Variants in EPB41L2 observed in about 807,000 individuals in gnomAD.
EPB41L2 encodes erythrocyte membrane protein band 4.1 like 2, also known as band 4.1-like protein 2.
A neutral mutation model predicts 113.0 loss-of-function variants in EPB41L2; 43 were observed. The ratio of observed to expected loss-of-function variants is 0.38; its 90% CI spans 0.30 to 0.49. EPB41L2 has a LOEUF of 0.49. Ranked by LOEUF, EPB41L2 falls within the 20% of genes least tolerant of loss-of-function variation. The pLI, the probability that EPB41L2 is intolerant of heterozygous loss-of-function variation, is 0.95. For synonymous variants in EPB41L2, 442 were observed against 436.7 expected (o/e 1.01, Z -0.15); for missense variants, 1,147 against 1,223.4 (o/e 0.94, Z 0.93).
chr6:130,881,703 C>T (rs1789360555), intron 12 of EPB41L2: 1 of 151,896 alleles, frequency 6.6e-6, no homozygotes, highest in South Asian at 2.1e-4. Context: ...GGTAAAAATC[C>T]TCAAACCAAA....
At chr6:131,043,575 G>T (rs2128186575) in intron 1 of EPB41L2, among the ~76,000 whole-genome samples, 1 of 152,080 alleles carries the variant, frequency 6.6e-6, no homozygotes, top group East Asian at 1.9e-4. Flanking sequence ...AACAAAAATT[G>T]CAAGGAAATA....
At chr6:131,024,410 G>A (rs1790361279) in intron 1 of EPB41L2, among the ~76,000 whole-genome samples, 1 of 152,040 alleles carries the variant, frequency 6.6e-6, no homozygotes, top group Admixed American at 6.6e-5. Context: ...AAGAGGTGTG[G>A]CACGGCTAAG....
At chr6:130,967,026 A>T (rs1775404423) in intron 1 of EPB41L2, among the ~76,000 whole-genome samples, 1 of 152,060 alleles carries the variant, frequency 6.6e-6, no homozygotes. Flanking sequence ...TAAGCTCAAC[A>T]CCCAAGCTTT....
intron 19 of EPB41L2, among the ~76,000 whole-genome samples, chr6:130,850,337 C>A (rs1194293027): frequency 1.3e-5 from 2 of 152,104 alleles, no homozygotes; most frequent in Non-Finnish European, 2.9e-5. Context: ...CAAAAATGTA[C>A]AAACAAGTAT....
At chr6:130,850,136 G>GC (rs1778357217) in intron 19 of EPB41L2, among the ~76,000 whole-genome samples, 1 of 152,136 alleles carries the variant, frequency 6.6e-6, no homozygotes, top group African/African-American at 2.4e-5. Flanking sequence ...TACTCGGGAG[G>GC]CTGAGGTAGG....
intron 19 of EPB41L2, among the ~76,000 whole-genome samples, chr6:130,845,019 C>T (rs995595787): frequency 6.6e-6 from 1 of 152,214 alleles, no homozygotes; most frequent in African/African-American, 2.4e-5. Context: ...TCCAGCCTGG[C>T]TGCCAGAACG....
At chr6:130,841,927 T>C (rs17059683) in intron 19 of EPB41L2, among the ~76,000 whole-genome samples, 14,023 of 152,164 alleles carry the variant, frequency 0.092, 825 homozygotes, top group African/African-American at 0.15. Flanking sequence ...AAAAAACCCA[T>C]GATGGTGCAA....
intron 3 of EPB41L2, among the ~76,000 whole-genome samples, chr6:130,934,985 A>C (rs1033414983): frequency 9.2e-5 from 14 of 152,094 alleles, no homozygotes; most frequent in African/African-American, 3.4e-4. Flanking sequence ...AAAGGAAGGG[A>C]GGGAGAAAGG....
Position 130,858,212 on chromosome 6 carries a change from T to A in EPB41L2, c.2942A>T (p.Glu981Val). 1 of 1,613,686 alleles carries A rather than the reference T, an allele frequency of 6.2e-7. No homozygotes were observed. The highest frequency in any genetic ancestry group is 8.5e-7 in the Non-Finnish European group (1 of 1,179,718). ...ALAQAIREAR[E>V]QHPDMSVTRV... ...TGTGACCGACATGTCAGGGTGCTGC[T>A]CTCTGGCTTCCCTGATCGCCTGAGC... The change falls in exon 19 of 20, where the codon GAG becomes GTG. Residue 981 changes from glutamate to valine, a missense_variant. By Grantham distance (121) the Glu-to-Val change is moderately radical. Coordinates refer to ENST00000337057, the MANE Select transcript of EPB41L2 (RefSeq NM_001431.4).
At chr6:130,989,720 AT>A (rs1781395146) in intron 1 of EPB41L2, among the ~76,000 whole-genome samples, 2 of 152,242 alleles carry the variant, frequency 1.3e-5, no homozygotes, top group South Asian at 4.1e-4. Context: ...CGTTATCAAA[AT>A]TAAAACTAGG....
At chr6:130,934,046 G>A (rs1420042790) in intron 3 of EPB41L2, among the ~76,000 whole-genome samples, 1 of 152,170 alleles carries the variant, frequency 6.6e-6, no homozygotes, top group Non-Finnish European at 1.5e-5. Flanking sequence ...AATATAAAAG[G>A]CCAAGGAAAG....
chr6:131,052,842 C>A (rs577668919), intron 1 of EPB41L2, among the ~76,000 whole-genome samples: 24 of 152,312 alleles, frequency 1.6e-4, no homozygotes, highest in African/African-American at 5.5e-4. Flanking sequence ...CCCACTCGCC[C>A]TGCTAACCTC....
intron 15 of EPB41L2, chr6:130,867,965 C>A: frequency 6.6e-6 from 1 of 152,396 alleles, no homozygotes; most frequent in Non-Finnish European, 1.3e-5. Context: ...CACACACACA[C>A]ACACACACTC....
chr6:130,983,944 G>A (rs967508092), intron 1 of EPB41L2, among the ~76,000 whole-genome samples: 2 of 152,142 alleles, frequency 1.3e-5, no homozygotes, highest in African/African-American at 4.8e-5. Context: ...ATTTTTTAAA[G>A]CTTTTTTACT....
At chr6:130,900,820 T>A in intron 7 of EPB41L2, 142 bp downstream of exon 7, 8 of 818,170 alleles carry the variant, frequency 9.8e-6, no homozygotes, top group Non-Finnish European at 1.6e-5. Context: ...GGGCTCCACG[T>A]TGCCTTGATT....
intron 19 of EPB41L2, among the ~76,000 whole-genome samples, chr6:130,852,980 G>T (rs549228667): frequency 6.6e-6 from 1 of 152,268 alleles, no homozygotes; most frequent in Non-Finnish European, 1.5e-5. Context: ...TGATTCAGAG[G>T]TCTCTCCTTC....
rs61625259 is a variant in EPB41L2 at position 131,011,498 on chromosome 6, A to G, written c.-15+51657T>C. ...GATCTTCTGAAAATTCCATGTAACC[A>G]TTGTATTTCGGCTTTCTATTTACAA... is the stretch of plus-strand genomic sequence containing the variant. On this transcript the variant is annotated intron_variant, in intron 1 of 19. Transcript: ENST00000337057. Among the ~76,000 whole-genome samples the G allele has an allele frequency of 0.02, 2,990 of 152,278 alleles. 179 individuals are homozygous for G. The East Asian group carries it at 0.25, about 13-fold the overall frequency.
Position 130,861,233 on chromosome 6 carries a change from C to T in EPB41L2, c.2910+2405G>A, listed in dbSNP as rs551954732. Among the ~76,000 whole-genome samples the T allele has an allele frequency of 1.3e-3, 201 of 152,078 alleles. 2 individuals are homozygous for T. Among genetic ancestry groups the T allele is most frequent in the African/African-American group, 4.4e-3 (182 of 41,506 alleles). On this transcript the variant is annotated intron_variant, in intron 18 of 19. Coordinates refer to ENST00000337057, the MANE Select transcript of EPB41L2 (RefSeq NM_001431.4). ...AACTACAGGTGCCCGCCACTACACC[C>T]GGCTAATTTTTTGTATTTTTAGTAG...
At chr6:130,997,135 AT>A (rs971546910) in intron 1 of EPB41L2, among the ~76,000 whole-genome samples, 2 of 152,210 alleles carry the variant, frequency 1.3e-5, no homozygotes, top group African/African-American at 4.8e-5. Flanking sequence ...ACACTGTTAC[AT>A]TAGAGGACTT....
Sources: gnomAD v4.1 joint callset for allele counts (sites outside exome capture counted in the v4.1 genomes callset) on GRCh38, gnomAD v4.1.1 for gene constraint, MANE v1.5 for transcripts, NCBI Gene and HGNC (gene_info 2026-07-23, HGNC 2026-07-21) for gene names.